Variants in ADGRL3 observed in about 807,000 individuals in gnomAD.
The protein encoded by ADGRL3 is calcium-independent alpha-latrotoxin receptor 3.
Under a neutral mutation model 153.5 loss-of-function variants are expected in ADGRL3, and 62 were observed. The ratio of observed to expected loss-of-function variants is 0.40; its 90% CI spans 0.33 to 0.50. The LOEUF (loss-of-function observed/expected upper bound fraction) is 0.50. Among genes scored for constraint, ADGRL3 ranks in the 20% least tolerant of loss-of-function variants. ADGRL3 has a pLI of 0.47. For synonymous variants in ADGRL3, 710 were observed against 672.5 expected (o/e 1.06, Z -0.86); for missense variants, 1,641 against 1,859.4 (o/e 0.88, Z 2.16).
chr4:61,526,271 T>G (rs1223049510), intron 4 of ADGRL3, among the ~76,000 whole-genome samples: 2 of 152,154 alleles, frequency 1.3e-5, no homozygotes, highest in Admixed American at 1.3e-4. Context: ...AATTACTGAC[T>G]CAATGACCTT....
chr4:61,892,578 A>G (rs1362070459), intron 9 of ADGRL3, 78 bp from the exon 10 acceptor site: 3 of 1,031,050 alleles, frequency 2.9e-6, no homozygotes, highest in Middle Eastern at 2.1e-4. Context: ...AATAAAAACA[A>G]TTTCTAAAGT....
At chr4:61,280,293 A>G (rs1226619182) in intron 1 of ADGRL3, among the ~76,000 whole-genome samples, 2 of 151,528 alleles carry the variant, frequency 1.3e-5, no homozygotes, top group Admixed American at 6.6e-5. Flanking sequence ...TATTTTTAGT[A>G]GAGACGGGTT....
At chr4:61,233,590 G>T (rs1751654551) in intron 1 of ADGRL3, among the ~76,000 whole-genome samples, 1 of 152,016 alleles carries the variant, frequency 6.6e-6, no homozygotes, top group Admixed American at 6.6e-5. Context: ...AATATATACA[G>T]GGTAGTTAAA....
intron 2 of ADGRL3, among the ~76,000 whole-genome samples, chr4:61,464,991 A>G (rs933650174): frequency 2.6e-5 from 4 of 152,202 alleles, no homozygotes; most frequent in African/African-American, 4.8e-5. Flanking sequence ...GGTCTCCTTC[A>G]GAAATGTCCA....
chr4:61,354,767 A>G (rs2096129005), intron 1 of ADGRL3, among the ~76,000 whole-genome samples: 1 of 152,160 alleles, frequency 6.6e-6, no homozygotes, highest in East Asian at 1.9e-4. Flanking sequence ...TAGTAATTCC[A>G]AGTCGTATAC....
At chr4:61,546,012 T>G (rs980676251) in intron 4 of ADGRL3, among the ~76,000 whole-genome samples, 1 of 152,202 alleles carries the variant, frequency 6.6e-6, no homozygotes, top group Non-Finnish European at 1.5e-5. Flanking sequence ...TCAGTCTGCT[T>G]CCAAATCATC....
intron 25 of ADGRL3, among the ~76,000 whole-genome samples, chr4:62,059,971 C>G (rs1739174391): frequency 6.6e-6 from 1 of 152,040 alleles, no homozygotes; most frequent in Admixed American, 6.6e-5. Context: ...ATAGATATAA[C>G]CACATAGATT....
intron 8 of ADGRL3, among the ~76,000 whole-genome samples, chr4:61,742,576 G>C (rs78936115): frequency 6.6e-6 from 1 of 151,938 alleles, no homozygotes; most frequent in African/African-American, 2.4e-5. Context: ...CACCGCACCC[G>C]GCCTGTTTTT....
chr4:61,578,630 C>T (rs2098906500), intron 4 of ADGRL3, among the ~76,000 whole-genome samples: 1 of 151,878 alleles, frequency 6.6e-6, no homozygotes, highest in South Asian at 2.1e-4. Flanking sequence ...ACTTCTGTTC[C>T]TACCTCCCTT....
chr4:61,892,374 G>C (rs553165508), intron 9 of ADGRL3, among the ~76,000 whole-genome samples: 1 of 152,226 alleles, frequency 6.6e-6, no homozygotes, highest in Admixed American at 6.5e-5. Context: ...CTGAAGAGTT[G>C]AGTTGTGCTG....
chr4:61,958,843 T>C (rs17292114), intron 17 of ADGRL3, among the ~76,000 whole-genome samples: 30,736 of 151,922 alleles, frequency 0.2, 3,768 homozygotes, highest in East Asian at 0.43. Context: ...TTCCCAATTA[T>C]GCTAACATCC....
chr4:61,457,635 A>G (rs2097768387), intron 2 of ADGRL3, among the ~76,000 whole-genome samples: 1 of 151,902 alleles, frequency 6.6e-6, no homozygotes, highest in Non-Finnish European at 1.5e-5. Flanking sequence ...TTTCTGTCTG[A>G]TCAAATTCAG....
intron 9 of ADGRL3, among the ~76,000 whole-genome samples, chr4:61,821,155 A>C (rs2097751499): frequency 6.6e-6 from 1 of 150,468 alleles, no homozygotes; most frequent in Admixed American, 6.6e-5. Context: ...CAGCATCACT[A>C]ACAATTGAAG....
intron 1 of ADGRL3, among the ~76,000 whole-genome samples, chr4:61,265,540 A>C (rs1237058764): frequency 6.6e-6 from 1 of 151,892 alleles, no homozygotes; most frequent in African/African-American, 2.4e-5. Context: ...TATTCTAAGC[A>C]ACCTCCAATT....
At position 61,497,319 on chromosome 4, in the gene ADGRL3, T is replaced by G; in HGVS notation, c.26T>G (p.Phe9Cys). Residue 9 changes from phenylalanine to cysteine, a missense_variant, in exon 3 of 27, where the codon TTC becomes TGC. By Grantham distance (205) the Phe-to-Cys change is radical (BLOSUM62 -2). Coordinates refer to ENST00000683033, the MANE Select transcript of ADGRL3 (RefSeq NM_001387552.1). Reference protein sequence around the residue: MWPSQLLIFMMLLAPIIHG... With the variant: MWPSQLLICMMLLAPIIHG... The stretch of plus-strand genomic sequence containing the variant: ...ATGTGGCCATCGCAGCTACTAATTT[T>G]CATGATGCTCTTAGCTCCAATAATT... 6.2e-7 allele frequency: 1 copy of G among 1,607,378 alleles called. No individual in the cohort carries two copies. The highest frequency in any genetic ancestry group is 8.5e-7 in the Non-Finnish European group (1 of 1,177,714).
At chr4:61,292,968 A>T (rs1321112112) in intron 1 of ADGRL3, among the ~76,000 whole-genome samples, 2 of 152,100 alleles carry the variant, frequency 1.3e-5, no homozygotes, top group African/African-American at 4.8e-5. Flanking sequence ...GCCCCAAAGG[A>T]ACATAAAAAG....
chr4:61,721,081 T>C (rs1488377254), intron 6 of ADGRL3, among the ~76,000 whole-genome samples: 2 of 152,202 alleles, frequency 1.3e-5, no homozygotes, highest in African/African-American at 4.8e-5. Flanking sequence ...AACTTAAATG[T>C]GAATATCAAT....
chr4:61,462,802 G>T (rs1218213185), intron 2 of ADGRL3, among the ~76,000 whole-genome samples: 1 of 152,170 alleles, frequency 6.6e-6, no homozygotes, highest in Non-Finnish European at 1.5e-5. Flanking sequence ...ATTGTTCCAT[G>T]TGTGTAATGG....
intron 8 of ADGRL3, among the ~76,000 whole-genome samples, chr4:61,744,955 T>G (rs1370670402): frequency 6.6e-6 from 1 of 152,044 alleles, no homozygotes; most frequent in Non-Finnish European, 1.5e-5. Context: ...GCAAAGAAGT[T>G]GAAAACTTTG....
Sources: allele counts gnomAD v4.1 joint callset (sites outside exome capture counted in the v4.1 genomes callset), GRCh38; gene constraint gnomAD v4.1.1; transcripts MANE v1.5; gene names NCBI Gene and HGNC (gene_info 2026-07-23, HGNC 2026-07-21).